The following GPHN variants were observed in gnomAD, a reference collection of about 807,000 sequenced individuals.
GPHN encodes the protein gephyrin.
GPHN carries 17 observed loss-of-function variants against 95.5 expected under a neutral mutation model. The ratio of observed to expected loss-of-function variants is 0.18; its 90% CI spans 0.12 to 0.27. The LOEUF (loss-of-function observed/expected upper bound fraction) is 0.27, where lower values mean the gene tolerates loss of function less well. GPHN is among the 10% of genes least tolerant of loss of function. GPHN has a pLI of 1.00. For synonymous variants in GPHN, 320 were observed against 322.5 expected (o/e 0.99, Z 0.08); for missense variants, 660 against 978.1 (o/e 0.67, Z 4.34).
Position 67,181,000 on chromosome 14 carries a change from T to C in GPHN, c.*63T>C. 1 of 1,517,452 alleles carries C rather than the reference T, an allele frequency of 6.6e-7. No individual in the cohort carries two copies. The highest frequency in any genetic ancestry group is 9.2e-7 in the Non-Finnish European group (1 of 1,092,680). The allele number at this position is 1,517,452 out of a possible 1,614,324, so 94.0% of individuals were successfully genotyped here. On this transcript the variant is annotated 3_prime_UTR_variant, in exon 23 of 23. Transcript: ENST00000478722. ...ATATCATTGACTGTATCCTGTAATA[T>C]GCAACGGCACAGCTAGTTTTCCCGA...
At chr14:67,500,415 A>T in the GPHN span, among the ~76,000 whole-genome samples, 2 of 151,958 alleles carry the variant, frequency 1.3e-5, no homozygotes, top group Admixed American at 6.6e-5. Context: ...CAGAGGTTGC[A>T]GGTGAGCTGA....
At chr14:67,340,242 C>T in the GPHN span, 1 of 499,680 alleles carries the variant, frequency 2.0e-6, no homozygotes, top group Admixed American at 3.2e-5. Flanking sequence ...TTTGGAAATG[C>T]CATGTTATAG....
the GPHN span, chr14:67,579,828 C>A: frequency 6.2e-7 from 1 of 1,608,580 alleles, no homozygotes; most frequent in South Asian, 1.1e-5. Flanking sequence ...TCTTCACGGA[C>A]GATCCCTCGG....
chr14:67,557,726 A>G, the GPHN span, among the ~76,000 whole-genome samples: 1 of 152,212 alleles, frequency 6.6e-6, no homozygotes, highest in Non-Finnish European at 1.5e-5. Flanking sequence ...TTCTTATTTT[A>G]CACATTTATA....
intron 10 of GPHN, among the ~76,000 whole-genome samples, chr14:67,042,519 G>C (rs918768445): frequency 5.9e-5 from 9 of 152,182 alleles, no homozygotes; most frequent in African/African-American, 2.2e-4. Context: ...TGTCAGGTTT[G>C]TCAAACATCA....
chr14:66,963,191 T>C (rs1360654892), intron 8 of GPHN, among the ~76,000 whole-genome samples: 1 of 152,064 alleles, frequency 6.6e-6, no homozygotes, highest in Non-Finnish European at 1.5e-5. Flanking sequence ...CAGACTCATA[T>C]ACCTCATCAA....
intron 9 of GPHN, among the ~76,000 whole-genome samples, chr14:67,008,781 A>G (rs976688065): frequency 6.6e-6 from 1 of 152,096 alleles, no homozygotes; most frequent in African/African-American, 2.4e-5. Flanking sequence ...TTCTGGGTTC[A>G]AGCAATCCTC....
At chr14:67,733,027 C>T in the GPHN span, among the ~76,000 whole-genome samples, 3 of 152,072 alleles carry the variant, frequency 2.0e-5, no homozygotes, top group South Asian at 2.1e-4. Flanking sequence ...TGCTAAATGA[C>T]GAGTTCATGG....
At chr14:67,533,150 G>C in the GPHN span, among the ~76,000 whole-genome samples, 1 of 152,140 alleles carries the variant, frequency 6.6e-6, no homozygotes, top group African/African-American at 2.4e-5. Context: ...GCCGAGGGGA[G>C]GAGGGCGCCC....
At chr14:67,084,808 A>T (rs1319011675) in intron 11 of GPHN, among the ~76,000 whole-genome samples, 1 of 152,218 alleles carries the variant, frequency 6.6e-6, no homozygotes, top group Non-Finnish European at 1.5e-5. Context: ...GAGAAAAAGG[A>T]AAGAAAAAAG....
intron 1 of GPHN, among the ~76,000 whole-genome samples, chr14:66,610,552 G>C (rs1595219771): frequency 6.6e-6 from 1 of 151,990 alleles, no homozygotes. Flanking sequence ...CTTGTCTTCT[G>C]TGCCCTCTCA....
intron 8 of GPHN, among the ~76,000 whole-genome samples, chr14:66,933,711 GA>G (rs1487954186): frequency 1.3e-5 from 2 of 152,126 alleles, no homozygotes; most frequent in Non-Finnish European, 2.9e-5. Context: ...TACAGGAGAT[GA>G]CATATATGAG....
At chr14:66,916,214 C>T (rs2065890553) in intron 6 of GPHN, 145 bp downstream of exon 6, 14 of 689,238 alleles carry the variant, frequency 2.0e-5, no homozygotes, top group South Asian at 1.9e-4. Flanking sequence ...CTCTTGGGTT[C>T]AGTAATTCAA....
chr14:67,070,715 A>AAAAAAAAAAATATATATATATATATAT, intron 11 of GPHN, among the ~76,000 whole-genome samples: 4 of 80,682 alleles, frequency 5.0e-5, no homozygotes, highest in South Asian at 4.3e-4. Context: ...AAAAAAAAAA[A>AAAAAAAAAAATATATATATATATATAT]ATATATATAT....
intron 5 of GPHN, among the ~76,000 whole-genome samples, chr14:66,899,298 A>G (rs886556550): frequency 6.6e-6 from 1 of 151,806 alleles, no homozygotes; most frequent in Non-Finnish European, 1.5e-5. Flanking sequence ...TTCCAGTGCT[A>G]TTTTGAATAG....
At chr14:67,385,867 C>G in the GPHN span, 1 of 152,130 alleles carries the variant, frequency 6.6e-6, no homozygotes, top group African/African-American at 2.4e-5. Flanking sequence ...ATGCTAAGCA[C>G]TACATCATGC....
chr14:67,729,308 G>C, the GPHN span: 3 of 1,601,378 alleles, frequency 1.9e-6, no homozygotes, highest in East Asian at 2.2e-5. Flanking sequence ...AAGACGGCAC[G>C]GGAGGGGGCG....
chr14:66,851,941 A>G (rs576122490), intron 4 of GPHN, among the ~76,000 whole-genome samples: 10 of 152,308 alleles, frequency 6.6e-5, no homozygotes, highest in African/African-American at 2.2e-4. Flanking sequence ...GGGGATAGAA[A>G]GGGACATATG....
At chr14:67,244,374 A>G in the GPHN span, among the ~76,000 whole-genome samples, 1 of 152,354 alleles carries the variant, frequency 6.6e-6, no homozygotes, top group East Asian at 1.9e-4. Flanking sequence ...TGCAAACAGT[A>G]TGAGTGACAG....
Sources: allele counts gnomAD v4.1 joint callset (sites outside exome capture counted in the v4.1 genomes callset), GRCh38; gene constraint gnomAD v4.1.1; transcripts MANE v1.5; gene names NCBI Gene and HGNC (gene_info 2026-07-23, HGNC 2026-07-21).